Variants in TP63 observed in about 807,000 individuals in gnomAD.
TP63 encodes the protein tumor protein 63.
A neutral mutation model predicts 82.8 loss-of-function variants in TP63; 17 were observed. The observed-to-expected ratio is 0.21, with a 90% CI of 0.14 to 0.31. TP63 has a LOEUF of 0.31. TP63 is among the 10% of genes least tolerant of loss of function. The probability of loss-of-function intolerance (pLI) is 1.00; values close to 1 mark genes in which losing one functional copy is unlikely to be tolerated. For missense variants in TP63, 648 were observed against 895.3 expected (o/e 0.72, Z 3.52); for synonymous variants, 330 against 321.7 (o/e 1.03, Z -0.28).
chr3:189,843,002 G>C (rs937564941), intron 4 of TP63, among the ~76,000 whole-genome samples: 1 of 152,144 alleles, frequency 6.6e-6, no homozygotes, highest in African/African-American at 2.4e-5. Context: ...CAAAATTACC[G>C]ATCAAGTCTG....
chr3:189,794,210 A>G (rs886796294), intron 3 of TP63, among the ~76,000 whole-genome samples: 9 of 152,112 alleles, frequency 5.9e-5, no homozygotes, highest in African/African-American at 2.2e-4. Flanking sequence ...TCTTAAAAAA[A>G]TGTTTACTGA....
At chr3:189,701,926 G>T (rs533084708) in intron 1 of TP63, among the ~76,000 whole-genome samples, 18 of 152,202 alleles carry the variant, frequency 1.2e-4, no homozygotes, top group African/African-American at 4.1e-4. Flanking sequence ...CTTTTTCCAT[G>T]TAGGTGAACA....
At chr3:189,677,525 C>T (rs1715546745) in intron 1 of TP63, among the ~76,000 whole-genome samples, 1 of 151,192 alleles carries the variant, frequency 6.6e-6, no homozygotes. Flanking sequence ...GATTCCAGAT[C>T]TCTGCTATTG....
chr3:189,687,250 G>C (rs1207641716), intron 1 of TP63, among the ~76,000 whole-genome samples: 2 of 152,126 alleles, frequency 1.3e-5, no homozygotes, highest in Non-Finnish European at 2.9e-5. Context: ...ACTCAGTTAT[G>C]ATGAAACGGT....
chr3:189,816,432 G>C (rs1041868484), intron 4 of TP63, among the ~76,000 whole-genome samples: 1 of 152,100 alleles, frequency 6.6e-6, no homozygotes, highest in Non-Finnish European at 1.5e-5. Flanking sequence ...ACGTGACCAA[G>C]TCTATGCAAT....
At chr3:189,691,927 C>T (rs1716965008) in intron 1 of TP63, among the ~76,000 whole-genome samples, 1 of 152,184 alleles carries the variant, frequency 6.6e-6, no homozygotes, top group African/African-American at 2.4e-5. Context: ...ATGTTCAAGG[C>T]AAGTGTGCTT....
intron 1 of TP63, among the ~76,000 whole-genome samples, chr3:189,640,107 C>T (rs1577158553): frequency 6.6e-6 from 1 of 152,052 alleles, no homozygotes; most frequent in African/African-American, 2.4e-5. Context: ...TTCTTAACTA[C>T]ATAAATAATG....
chr3:189,747,555 A>G (rs1721473004), intron 3 of TP63, among the ~76,000 whole-genome samples: 1 of 152,130 alleles, frequency 6.6e-6, no homozygotes, highest in Non-Finnish European at 1.5e-5. Flanking sequence ...AACACAATGT[A>G]TCAAAAATCT....
intron 4 of TP63, among the ~76,000 whole-genome samples, chr3:189,819,382 G>A (rs1728544560): frequency 6.6e-6 from 1 of 151,928 alleles, no homozygotes; most frequent in Non-Finnish European, 1.5e-5. Context: ...CCATGTTGGT[G>A]TGCTGCACCC....
At chr3:189,785,068 A>T (rs1724496799) in intron 3 of TP63, among the ~76,000 whole-genome samples, 1 of 152,020 alleles carries the variant, frequency 6.6e-6, no homozygotes, top group African/African-American at 2.4e-5. Flanking sequence ...TGACTATTAC[A>T]GGTTTTTCAT....
intron 1 of TP63, among the ~76,000 whole-genome samples, chr3:189,641,935 A>G (rs1711919970): frequency 6.6e-6 from 1 of 152,174 alleles, no homozygotes; most frequent in Non-Finnish European, 1.5e-5. Context: ...TGACCTAACT[A>G]GTAAGTGGAA....
chr3:189,616,043 T>C, the TP63 span, among the ~76,000 whole-genome samples: 4 of 152,178 alleles, frequency 2.6e-5, no homozygotes, highest in Non-Finnish European at 5.9e-5. Context: ...TTACTGAACA[T>C]ACAACTACTT....
chr3:189,667,212 C>A (rs1322396627), intron 1 of TP63, among the ~76,000 whole-genome samples: 1 of 143,876 alleles, frequency 7.0e-6, no homozygotes, highest in Admixed American at 7.0e-5. Flanking sequence ...TGCTCTGTCA[C>A]CCAGGCGAGA....
the TP63 span, among the ~76,000 whole-genome samples, chr3:189,600,463 G>A: frequency 6.6e-6 from 1 of 152,184 alleles, no homozygotes; most frequent in African/African-American, 2.4e-5. Flanking sequence ...GAGAAGTGCA[G>A]TACTGTTTTG....
At chr3:189,612,490 C>T in the TP63 span, among the ~76,000 whole-genome samples, 1 of 152,110 alleles carries the variant, frequency 6.6e-6, no homozygotes, top group African/African-American at 2.4e-5. Flanking sequence ...TCAATTAAAC[C>T]TCCTTTCTTT....
chr3:189,679,965 A>G (rs1457271579), intron 1 of TP63, among the ~76,000 whole-genome samples: 1 of 152,114 alleles, frequency 6.6e-6, no homozygotes, highest in African/African-American at 2.4e-5. Context: ...ATTCTGTTCC[A>G]TTTGGTATAC....
chr3:189,804,474 G>C (rs765551745), intron 3 of TP63, among the ~76,000 whole-genome samples: 5 of 152,130 alleles, frequency 3.3e-5, no homozygotes, highest in Non-Finnish European at 5.9e-5. Context: ...TTTTCATCTT[G>C]CACTGAGCAC....
At chr3:189,656,599 A>G (rs1713385794) in intron 1 of TP63, among the ~76,000 whole-genome samples, 1 of 152,140 alleles carries the variant, frequency 6.6e-6, no homozygotes, top group South Asian at 2.1e-4. Context: ...CAAAAGCTCA[A>G]ATATAAGTTG....
At chr3:189,647,759 A>G (rs1357979277) in intron 1 of TP63, among the ~76,000 whole-genome samples, 1 of 146,978 alleles carries the variant, frequency 6.8e-6, no homozygotes, top group African/African-American at 2.6e-5. Flanking sequence ...ACAAACCTCT[A>G]CCCTGCCTTC....
Sources: gnomAD v4.1 joint callset for allele counts (sites outside exome capture counted in the v4.1 genomes callset) on GRCh38, gnomAD v4.1.1 for gene constraint, MANE v1.5 for transcripts, NCBI Gene and HGNC (gene_info 2026-07-23, HGNC 2026-07-21) for gene names.